Variants in OR14J1 observed in about 807,000 individuals in gnomAD.
OR14J1 encodes the protein olfactory receptor 14J1.
For missense variants in OR14J1, 378 were observed against 393.4 expected (o/e 0.96, Z 0.33); for synonymous variants, 140 against 146.7 (o/e 0.95, Z 0.33).
intron 1 of OR14J1, among the ~76,000 whole-genome samples, chr6:29,304,787 C>G (rs1258053953): frequency 1.3e-5 from 2 of 152,146 alleles, no homozygotes; most frequent in African/African-American, 4.8e-5. Flanking sequence ...CTCCTTCCCT[C>G]TATGGAGAAA....
chr6:29,310,599 C>T lies in OR14J1; in HGVS notation c.*2944C>T, dbSNP rs187280523. ...TAGGATTATCTTGGCTATGTGGGCT[C>T]TTGTTTGGTTCCATATGAAATTTAA... is the stretch of plus-strand genomic sequence containing the variant. On this transcript the variant is annotated 3_prime_UTR_variant, in exon 2 of 2. Transcript: ENST00000641895. 2.0e-5 allele frequency: 3 copies of T among 152,204 alleles called. No individual in the cohort carries two copies. The highest frequency in any genetic ancestry group is 7.2e-5 in the African/African-American group (3 of 41,514). 9.4% of individuals were successfully genotyped at this position (152,204 alleles called of 1,614,324 possible). A position where few individuals can be genotyped will look rare whatever the true frequency, so the allele number is the denominator to read the frequency against.
rs142418932 is a variant in OR14J1, at chr6:29,305,110, G to A, written c.-28-1552G>A. ...AAGAAAGTAACCCCTGTTTTCCTCTGATTCCTACTGCCATGAAGCAGGGGA... is the reference window on the plus strand; with the variant it reads ...AAGAAAGTAACCCCTGTTTTCCTCTAATTCCTACTGCCATGAAGCAGGGGA... On this transcript the variant is annotated intron_variant, in intron 1 of 1. Transcript: ENST00000641895. Among the ~76,000 whole-genome samples the A allele has an allele frequency of 7.8e-3, 1,189 of 152,234 alleles. 11 individuals are homozygous for A. The highest frequency in any genetic ancestry group is 0.026 in the African/African-American group (1,063 of 41,542).
rs563959378 is a variant in OR14J1, at chr6:29,309,608, T to C, written c.*1953T>C. The C allele has an allele frequency of 6.6e-6, 1 of 152,382 alleles. No homozygotes were observed. Among genetic ancestry groups the C allele is most frequent in the South Asian group, 2.1e-4 (1 of 4,828 alleles). 9.4% of individuals were successfully genotyped at this position (152,382 alleles called of 1,614,324 possible). ...CATGAGATGGTATCTCATTATGGTT[T>C]TGATTCACATTTCTCTGATAACCAG... On this transcript the variant is annotated 3_prime_UTR_variant, in exon 2 of 2. Coordinates refer to ENST00000641895, the MANE Select transcript of OR14J1 (RefSeq NM_030946.2).
In OR14J1 at chr6:29,307,687, T is replaced by C. The variant is rs764442309; in HGVS notation, c.*32T>C. The C allele has an allele frequency of 1.4e-5, 18 of 1,286,384 alleles. No homozygotes were observed. Among genetic ancestry groups the C allele is most frequent in the South Asian group, 5.5e-5 (4 of 73,384 alleles). 79.7% of individuals were successfully genotyped at this position (1,286,384 alleles called of 1,614,324 possible). A position where few individuals can be genotyped will look rare whatever the true frequency, so the allele number is the denominator to read the frequency against. On this transcript the variant is annotated 3_prime_UTR_variant, in exon 2 of 2. Coordinates refer to ENST00000641895, the MANE Select transcript of OR14J1 (RefSeq NM_030946.2). ...ATACAAATGAAAGGCATTGTTATTA[T>C]GTTTCAGATTGGAAGAGAGGTGAAT...
chr6:29,307,528 C>G lies in OR14J1; in HGVS notation c.839C>G (p.Pro280Arg). 1 of 1,612,830 alleles carries G rather than the reference C, an allele frequency of 6.2e-7. No homozygotes were observed. The highest frequency in any genetic ancestry group is 8.5e-7 in the Non-Finnish European group (1 of 1,179,878). The change falls in exon 2 of 2, where the codon CCT becomes CGT. Residue 280 changes from proline to arginine, a missense_variant. Pro to Arg is a moderately radical substitution (Grantham distance 103). Coordinates refer to ENST00000641895, the MANE Select transcript of OR14J1 (RefSeq NM_030946.2). ...LVFSVFYTVI[P>R]PTLNPVIYSL... ...TTCTCCGTATTCTATACTGTGATAC[C>G]TCCAACACTCAATCCAGTCATTTAT...
chr6:29,310,848 G>A lies in OR14J1; in HGVS notation c.*3193G>A, dbSNP rs891191670. 3 of 151,956 alleles carry A rather than the reference G, an allele frequency of 2.0e-5. No individual in the cohort carries two copies. The highest frequency in any genetic ancestry group is 7.3e-5 in the African/African-American group (3 of 41,350). 9.4% of individuals were successfully genotyped at this position (151,956 alleles called of 1,614,324 possible). A position where few individuals can be genotyped will look rare whatever the true frequency, so the allele number is the denominator to read the frequency against. Reference sequence around the variant, plus strand: ...ACATGCCTTGTAAGTTGTATTCCTGGGTATTTTATTCTCTTTGTAGCAGTT... The same window carrying A: ...ACATGCCTTGTAAGTTGTATTCCTGAGTATTTTATTCTCTTTGTAGCAGTT... On this transcript the variant is annotated 3_prime_UTR_variant, in exon 2 of 2. Coordinates refer to ENST00000641895, the MANE Select transcript of OR14J1 (RefSeq NM_030946.2).
rs1167037300 is a variant in OR14J1, at chr6:29,309,382, C to T, written c.*1727C>T. 1 of 152,126 alleles carries T rather than the reference C, an allele frequency of 6.6e-6. No homozygotes were observed. Among genetic ancestry groups the T allele is most frequent in the African/African-American group, 2.4e-5 (1 of 41,412 alleles). The allele number at this position is 152,126 out of a possible 1,614,324, so 9.4% of individuals were successfully genotyped here. A position where few individuals can be genotyped will look rare whatever the true frequency, so the allele number is the denominator to read the frequency against. The stretch of plus-strand genomic sequence containing the variant: ...TCTTTATAGTAGAATGATTTATAAT[C>T]CTTTGGGTATATACCCTGTAAAGGG... On this transcript the variant is annotated 3_prime_UTR_variant, in exon 2 of 2. Transcript: ENST00000641895.
rs1158796867 is a variant in OR14J1, at chr6:29,307,979, G to T, written c.*324G>T. 1 of 204,178 alleles carries T rather than the reference G, an allele frequency of 4.9e-6. No homozygotes were observed. The highest frequency in any genetic ancestry group is 2.3e-5 in the African/African-American group (1 of 42,860). The allele number at this position is 204,178 out of a possible 1,614,324, so 12.6% of individuals were successfully genotyped here. A position where few individuals can be genotyped will look rare whatever the true frequency, so the allele number is the denominator to read the frequency against. On this transcript the variant is annotated 3_prime_UTR_variant, in exon 2 of 2. Transcript: ENST00000641895. ...TGAAGCTAACTGGGTTAATATTATGGTGCATATATGGTATTTCCAGTGGGC... is the reference window on the plus strand; with the variant it reads ...TGAAGCTAACTGGGTTAATATTATGTTGCATATATGGTATTTCCAGTGGGC...
rs9393953 is a variant in OR14J1 at position 29,306,016 on chromosome 6, G to C, written c.-28-646G>C. Among the ~76,000 whole-genome samples, 344 of 152,250 alleles carry C rather than the reference G, an allele frequency of 2.3e-3. 12 individuals carry two copies. In the East Asian group the frequency reaches 0.064, roughly 28 times the overall value. On this transcript the variant is annotated intron_variant, in intron 1 of 1. Transcript: ENST00000641895. The stretch of plus-strand genomic sequence containing the variant: ...TTTGACGGTGAACCTTTGTCACTTA[G>C]TTGCAAGATCTCCAAAGCTCAGGAT...
In OR14J1 at chr6:29,310,966, C is replaced by A. The variant is rs959271884; in HGVS notation, c.*3311C>A. 6.6e-6 allele frequency: 1 copy of A among 152,060 alleles called. No homozygotes were observed. Among genetic ancestry groups the A allele is most frequent in the African/African-American group, 2.4e-5 (1 of 41,404 alleles). 9.4% of individuals were successfully genotyped at this position (152,060 alleles called of 1,614,324 possible). ...GGTTTTTGCACATTGATTTTGTATC[C>A]TGAGACTTTGCTGAAATTGCTTATA... On this transcript the variant is annotated 3_prime_UTR_variant, in exon 2 of 2. Transcript: ENST00000641895.
rs980899806 is a variant in OR14J1 at position 29,308,363 on chromosome 6, T to C, written c.*708T>C. The C allele has an allele frequency of 6.6e-6, 1 of 152,162 alleles. No homozygotes were observed. The highest frequency in any genetic ancestry group is 1.5e-5 in the Non-Finnish European group (1 of 67,994). 9.4% of individuals were successfully genotyped at this position (152,162 alleles called of 1,614,324 possible). On this transcript the variant is annotated 3_prime_UTR_variant, in exon 2 of 2. Transcript: ENST00000641895. ...TGTGTATGTTTATGTGTGTGTGTGATGTGTATAATCTATAAATATAAGCAT... is the reference window on the plus strand; with the variant it reads ...TGTGTATGTTTATGTGTGTGTGTGACGTGTATAATCTATAAATATAAGCAT...
intron 1 of OR14J1, 91 bp from the exon 2 acceptor site, chr6:29,306,571 G>A (rs9257693): frequency 0.47 from 316,068 of 678,190 alleles, 77,140 homozygotes; most frequent in Non-Finnish European, 0.52. Context: ...TCTCATTTCA[G>A]TACCTCCTTG....
intron 1 of OR14J1, among the ~76,000 whole-genome samples, chr6:29,306,394 A>C (rs1416985038): frequency 6.6e-6 from 1 of 152,188 alleles, no homozygotes; most frequent in African/African-American, 2.4e-5. Context: ...GACTTTATTG[A>C]AGGTAAAGAC....
chr6:29,307,478 T>G lies in OR14J1; in HGVS notation c.789T>G (p.Asp263Glu). Residue 263 changes from aspartate to glutamate, a missense_variant, in exon 2 of 2, where the codon GAT becomes GAG. By Grantham distance (45) the Asp-to-Glu change is conservative (BLOSUM62 2). Transcript: ENST00000641895. Reference sequence around the variant, plus strand: ...TTGAGTTTCTCAGACTGCCTTCTGATTCCTCATCGACTGTGGACCTTGTAT... The same window carrying G: ...TTGAGTTTCTCAGACTGCCTTCTGAGTCCTCATCGACTGTGGACCTTGTAT... ...AGFEFLRLPSDSSSTVDLVFS... is the reference protein window; with the variant it reads ...AGFEFLRLPSESSSTVDLVFS... 6.2e-7 allele frequency: 1 copy of G among 1,613,066 alleles called. No individual in the cohort carries two copies. Among genetic ancestry groups the G allele is most frequent in the Non-Finnish European group, 8.5e-7 (1 of 1,180,028 alleles).
rs1223977225 is a variant in OR14J1, at chr6:29,301,755, T to C, written c.-61T>C. On this transcript the variant is annotated 5_prime_UTR_variant, in exon 1 of 2. Coordinates refer to ENST00000641895, the MANE Select transcript of OR14J1 (RefSeq NM_030946.2). ...CAAAGATGCTCAGTCTCAGGATCAA[T>C]TGAGATTTGTTTCTACCGAGAGATC... 7 of 152,332 alleles carry C rather than the reference T, an allele frequency of 4.6e-5. No homozygotes were observed. Among genetic ancestry groups the C allele is most frequent in the South Asian group, 4.1e-4 (2 of 4,830 alleles). The allele number at this position is 152,332 out of a possible 1,614,324, so 9.4% of individuals were successfully genotyped here.
At position 29,307,194 on chromosome 6, in the gene OR14J1, A is replaced by G; in HGVS notation, c.505A>G (p.Lys169Glu). 6.2e-7 allele frequency: 1 copy of G among 1,612,934 alleles called. No homozygotes were observed. Among genetic ancestry groups the G allele is most frequent in the Non-Finnish European group, 8.5e-7 (1 of 1,179,942 alleles). ...TAACTTCTCCATACCTCTCTGTGGG[A>G]AGAGAGTCATTCACCAATTCTTCTG... The part of the protein sequence containing the change: ...AINFSIPLCG[K>E]RVIHQFFCDV... Residue 169 changes from lysine to glutamate, a missense_variant, in exon 2 of 2, where the codon AAG becomes GAG. Physicochemically the swap from Lys to Glu is moderately conservative, Grantham distance 56. Coordinates refer to ENST00000641895, the MANE Select transcript of OR14J1 (RefSeq NM_030946.2).
chr6:29,308,989 C>T lies in OR14J1; in HGVS notation c.*1334C>T, dbSNP rs560243099. On this transcript the variant is annotated 3_prime_UTR_variant, in exon 2 of 2. Transcript: ENST00000641895. ...GCTGCACCCATCAACCTGTCAACTA[C>T]GTTAGGTATTTCTCCTAATGCTATC... The T allele has an allele frequency of 1.3e-5, 2 of 152,184 alleles. No homozygotes were observed. Among genetic ancestry groups the T allele is most frequent in the South Asian group, 2.1e-4 (1 of 4,814 alleles). The allele number at this position is 152,184 out of a possible 1,614,324, so 9.4% of individuals were successfully genotyped here.
rs1013539461 is a variant in OR14J1 at position 29,309,592 on chromosome 6, G to C, written c.*1937G>C. 6.6e-6 allele frequency: 1 copy of C among 152,144 alleles called. No individual in the cohort carries two copies. Among genetic ancestry groups the C allele is most frequent in the Non-Finnish European group, 1.5e-5 (1 of 68,036 alleles). 9.4% of individuals were successfully genotyped at this position (152,144 alleles called of 1,614,324 possible). ...TAGCCATTCTAACTGGCATGAGATG[G>C]TATCTCATTATGGTTTTGATTCACA... On this transcript the variant is annotated 3_prime_UTR_variant, in exon 2 of 2. Coordinates refer to ENST00000641895, the MANE Select transcript of OR14J1 (RefSeq NM_030946.2).
Position 29,307,566 on chromosome 6 carries a change from G to T in OR14J1, c.877G>T (p.Asp293Tyr). Residue 293 changes from aspartate to tyrosine, a missense_variant, in exon 2 of 2, where the codon GAT becomes TAT. Transcript: ENST00000641895. ...TCCAGTCATTTATAGCTTACGGAAT[G>T]ATTCCATGAAGGCAGCACTGAGGAA... is the stretch of plus-strand genomic sequence containing the variant. The part of the protein sequence containing the change: ...LNPVIYSLRN[D>Y]SMKAALRKML... 6.2e-7 allele frequency: 1 copy of T among 1,612,630 alleles called. No individual in the cohort carries two copies.
Sources: gnomAD v4.1 joint callset for allele counts (sites outside exome capture counted in the v4.1 genomes callset) on GRCh38, gnomAD v4.1.1 for gene constraint, MANE v1.5 for transcripts, NCBI Gene and HGNC (gene_info 2026-07-23, HGNC 2026-07-21) for gene names.